The following CDKL1 variants were observed in gnomAD, a reference collection of about 807,000 sequenced individuals.
The protein encoded by CDKL1 is cyclin-dependent kinase-like 1.
Under a neutral mutation model 42.0 loss-of-function variants are expected in CDKL1, and 41 were observed. The ratio of observed to expected loss-of-function variants is 0.98; its 90% CI spans 0.76 to 1.27. CDKL1 has a LOEUF of 1.27. CDKL1 is among the 50% of genes most tolerant of loss of function. The probability of loss-of-function intolerance (pLI) is 0.00; values close to 1 mark genes in which losing one functional copy is unlikely to be tolerated. For missense variants in CDKL1, 394 were observed against 428.4 expected, an observed-to-expected ratio of 0.92 and a Z score of 0.71; for synonymous variants, 153 against 158.6, an observed-to-expected ratio of 0.96 and a Z score of 0.26.
intron 2 of CDKL1, among the ~76,000 whole-genome samples, chr14:50,370,814 G>C (rs951382294): frequency 2.0e-5 from 3 of 152,130 alleles, no homozygotes; most frequent in African/African-American, 7.2e-5. Flanking sequence ...CAGATCTCAC[G>C]AGAACTCACT....
chr14:50,378,252 C>T, intron 2 of CDKL1: 1 of 1,366,332 alleles, frequency 7.3e-7, no homozygotes, highest in Non-Finnish European at 9.8e-7. Flanking sequence ...TTAGATTCTA[C>T]CCCACCTCCT....
At chr14:50,336,038 G>A in intron 7 of CDKL1, 1 of 1,366,480 alleles carries the variant, frequency 7.3e-7, no homozygotes, top group Non-Finnish European at 9.8e-7. Flanking sequence ...TCTGTCGGTT[G>A]AATCTGAGCA....
chr14:50,360,025 C>T (rs2034189898), intron 2 of CDKL1, among the ~76,000 whole-genome samples: 1 of 152,110 alleles, frequency 6.6e-6, no homozygotes, highest in Non-Finnish European at 1.5e-5. Context: ...TGCCCATTCA[C>T]TATCAGATCA....
At chr14:50,335,472 C>G in intron 7 of CDKL1, 1 of 1,536,070 alleles carries the variant, frequency 6.5e-7, no homozygotes, top group East Asian at 2.4e-5. Context: ...GCTGTTTAAA[C>G]AGTCTCCTGT....
chr14:50,350,478 G>A (rs2033868804), intron 3 of CDKL1, among the ~76,000 whole-genome samples: 2 of 152,146 alleles, frequency 1.3e-5, no homozygotes, highest in South Asian at 4.2e-4. Context: ...AGAGAAGAAG[G>A]GGCTTGAGCT....
At chr14:50,331,418 T>A (rs1246364723) in intron 9 of CDKL1, 5 of 152,590 alleles carry the variant, frequency 3.3e-5, no homozygotes, top group African/African-American at 9.7e-5. Flanking sequence ...GAATAAAACA[T>A]TAATTTTGTA....
At position 50,329,925 on chromosome 14, in the gene CDKL1, A is replaced by C; in HGVS notation, c.*149T>G. 1 of 911,436 alleles carries C rather than the reference A, an allele frequency of 1.1e-6. No homozygotes were observed. Among genetic ancestry groups the C allele is most frequent in the Non-Finnish European group, 1.6e-6 (1 of 633,676 alleles). 56.5% of individuals were successfully genotyped at this position (911,436 alleles called of 1,614,324 possible). On this transcript the variant is annotated 3_prime_UTR_variant, in exon 10 of 10. Coordinates refer to ENST00000395834, the MANE Select transcript of CDKL1 (RefSeq NM_004196.7). ...AAGACTGGATCTGGAATTTCCCTTC[A>C]TATCTTGCCAGTTGGCCTCCCAGTT...
chr14:50,367,704 A>G (rs1352956006), intron 2 of CDKL1, among the ~76,000 whole-genome samples: 2 of 152,244 alleles, frequency 1.3e-5, no homozygotes, highest in Middle Eastern at 3.4e-3. Flanking sequence ...TTTAATGACA[A>G]TTCCTTCCTA....
intron 2 of CDKL1, chr14:50,390,214 C>T: frequency 7.3e-7 from 1 of 1,364,504 alleles, no homozygotes. Context: ...AGACAATGTC[C>T]CAGCTGCTGC....
chr14:50,378,858 T>C (rs1207971848), intron 2 of CDKL1, among the ~76,000 whole-genome samples: 1 of 151,632 alleles, frequency 6.6e-6, no homozygotes, highest in African/African-American at 2.4e-5. Flanking sequence ...GACAATCTTT[T>C]TTTTTTTTTT....
In CDKL1 at chr14:50,326,847, T is replaced by C; in HGVS notation, c.*3227A>G. 1.3e-6 allele frequency: 1 copy of C among 781,864 alleles called. No homozygotes were observed. Among genetic ancestry groups the C allele is most frequent in the Non-Finnish European group, 1.6e-6 (1 of 644,804 alleles). The allele number at this position is 781,864 out of a possible 1,614,324, so 48.4% of individuals were successfully genotyped here. ...CTTGAGACCAGGAGTTTGAGACCAA[T>C]TTGGGCAACACAGTGAGACCCCATC... is the stretch of plus-strand genomic sequence containing the variant. On this transcript the variant is annotated 3_prime_UTR_variant, in exon 10 of 10. Transcript: ENST00000395834.
chr14:50,378,119 C>G (rs2034787112), intron 2 of CDKL1: 1 of 1,338,502 alleles, frequency 7.5e-7, no homozygotes, highest in African/African-American at 1.5e-5. Context: ...TTCCCTGAAC[C>G]TTCAGGGCTA....
At chr14:50,342,672 C>A in intron 4 of CDKL1, 1 of 259,852 alleles carries the variant, frequency 3.8e-6, no homozygotes, top group Non-Finnish European at 6.9e-6. Context: ...TTGAAAGGTC[C>A]GGGTGAGGCT....
At position 50,377,793 on chromosome 14, in the gene CDKL1, C is replaced by T. The variant is rs2034778770; in HGVS notation, c.168+17908G>A. The T allele has an allele frequency of 3.0e-6, 3 of 1,010,732 alleles. No homozygotes were observed. In the South Asian group the frequency reaches 5.6e-5, roughly 19 times the overall value. 62.6% of individuals were successfully genotyped at this position (1,010,732 alleles called of 1,614,324 possible). A position where few individuals can be genotyped will look rare whatever the true frequency, so the allele number is the denominator to read the frequency against. ...ATGGGAAGTATTGAATAAGCTGGCT[C>T]TTGTTAACACCTATAAATCACTGAA... is the stretch of plus-strand genomic sequence containing the variant. On this transcript the variant is annotated intron_variant, in intron 2 of 9. Coordinates refer to ENST00000395834, the MANE Select transcript of CDKL1 (RefSeq NM_004196.7).
At chr14:50,391,949 C>T (rs2035269550) in intron 2 of CDKL1, among the ~76,000 whole-genome samples, 2 of 152,168 alleles carry the variant, frequency 1.3e-5, no homozygotes, top group South Asian at 4.1e-4. Context: ...AAACAGTTGC[C>T]CATATCATTA....
intron 9 of CDKL1, 186 bp downstream of exon 9, chr14:50,332,076 T>C (rs1267131662): frequency 1.3e-6 from 2 of 1,557,908 alleles, no homozygotes; most frequent in Non-Finnish European, 1.7e-6. Context: ...AAGGGCACCT[T>C]TAGGATTCAG....
rs760991583 is a variant in CDKL1 at position 50,380,179 on chromosome 14, G to A, written c.168+15522C>T. 9.6e-5 allele frequency: 51 copies of A among 532,028 alleles called. 1 individual carries two copies. The highest frequency in any genetic ancestry group is 1.9e-5 in the Non-Finnish European group (5 of 259,502). The allele number at this position is 532,028 out of a possible 1,614,324, so 33.0% of individuals were successfully genotyped here. On this transcript the variant is annotated intron_variant, in intron 2 of 9. Transcript: ENST00000395834. ...GGGCCAAACACAAGCTCCTGAAACT[G>A]CTCTTCCTCCCTGGCAACACAACCC... is the stretch of plus-strand genomic sequence containing the variant.
At chr14:50,343,004 G>A (rs1011718878) in intron 4 of CDKL1, 1 of 1,354,790 alleles carries the variant, frequency 7.4e-7, no homozygotes, top group Non-Finnish European at 9.8e-7. Flanking sequence ...CCAGAATTTA[G>A]ACTCAAATCA....
chr14:50,372,789 G>A (rs1471784219), intron 2 of CDKL1, among the ~76,000 whole-genome samples: 1 of 152,092 alleles, frequency 6.6e-6, no homozygotes, highest in Admixed American at 6.5e-5. Context: ...AAAAGACTAT[G>A]CTTTTCCCAC....
Sources: allele counts gnomAD v4.1 joint callset (sites outside exome capture counted in the v4.1 genomes callset), GRCh38; gene constraint gnomAD v4.1.1; transcripts MANE v1.5; gene names NCBI Gene and HGNC (gene_info 2026-07-23, HGNC 2026-07-21).